Variants in C1orf185 observed in about 807,000 individuals in gnomAD.
The protein encoded by C1orf185 is uncharacterized protein C1orf185.
Under a neutral mutation model 16.1 loss-of-function variants are expected in C1orf185, and 13 were observed. The observed-to-expected ratio is 0.81, with a 90% CI of 0.53 to 1.28. C1orf185 has a LOEUF of 1.28. C1orf185 is among the 50% of genes most tolerant of loss of function. The pLI is 0.00. For synonymous variants in C1orf185, 80 were observed against 76.9 expected, an observed-to-expected ratio of 1.04 and a Z score of -0.21; for missense variants, 220 against 225.2, an observed-to-expected ratio of 0.98 and a Z score of 0.15.
chr1:51,102,429 G>A (rs558999875), intron 1 of C1orf185, 180 bp downstream of exon 1: 6 of 414,960 alleles, frequency 1.4e-5, no homozygotes, highest in African/African-American at 8.0e-5. Context: ...TTCTTTGGGG[G>A]AAATTTTGTA....
At chr1:51,140,218 A>G (rs903482050) in intron 3 of C1orf185, among the ~76,000 whole-genome samples, 1 of 152,148 alleles carries the variant, frequency 6.6e-6, no homozygotes, top group African/African-American at 2.4e-5. Context: ...TTCTGGTATG[A>G]CTTTTCTGTT....
chr1:51,107,042 C>T (rs934009531), intron 1 of C1orf185, among the ~76,000 whole-genome samples: 1 of 152,178 alleles, frequency 6.6e-6, no homozygotes. Flanking sequence ...CAGGCGTGAG[C>T]CACCGCGCCT....
intron 3 of C1orf185, among the ~76,000 whole-genome samples, chr1:51,122,266 A>ATAAT (rs1646203160): frequency 1.3e-5 from 2 of 152,178 alleles, no homozygotes; most frequent in Non-Finnish European, 2.9e-5. Context: ...TGCATATTCA[A>ATAAT]CCTTATTAAA....
chr1:51,103,450 A>ACACACACACACAC (rs756442424), intron 1 of C1orf185, among the ~76,000 whole-genome samples: 13 of 51,914 alleles, frequency 2.5e-4, no homozygotes, highest in South Asian at 7.6e-4. Context: ...CACACACACA[A>ACACACACACACAC]AAACCACGAA....
At chr1:51,146,374 TCTTGAACC>T (rs1646400905) in intron 4 of C1orf185, among the ~76,000 whole-genome samples, 1 of 150,682 alleles carries the variant, frequency 6.6e-6, no homozygotes, top group African/African-American at 2.4e-5. Flanking sequence ...CAAGAGAATC[TCTTGAACC>T]CAGGAGGCGG....
chr1:51,118,217 C>A lies in C1orf185; in HGVS notation c.123-449C>A, dbSNP rs369610121. ...TTACAGGCGTAAGCCACCGCACCAG[C>A]CCCTCTTACTTTTTGCCAGAAATAT... is the stretch of plus-strand genomic sequence containing the variant. On this transcript the variant is annotated intron_variant, in intron 2 of 4. Coordinates refer to ENST00000371759, the MANE Select transcript of C1orf185 (RefSeq NM_001136508.2). Among the ~76,000 whole-genome samples the A allele has an allele frequency of 7.2e-5, 11 of 152,260 alleles. 1 individual carries two copies. The highest frequency in any genetic ancestry group is 2.6e-4 in the African/African-American group (11 of 41,552).
chr1:51,125,706 A>C (rs963102972), intron 3 of C1orf185, among the ~76,000 whole-genome samples: 3 of 152,244 alleles, frequency 2.0e-5, no homozygotes, highest in Non-Finnish European at 4.4e-5. Flanking sequence ...GCAAGGAGTT[A>C]GAAGGCAATG....
intron 3 of C1orf185, among the ~76,000 whole-genome samples, chr1:51,126,734 T>C (rs1646243230): frequency 6.6e-6 from 1 of 152,218 alleles, no homozygotes; most frequent in South Asian, 2.1e-4. Context: ...AGTATATTTG[T>C]CAAAACTAAG....
intron 3 of C1orf185, among the ~76,000 whole-genome samples, chr1:51,122,749 C>T (rs1465293997): frequency 6.6e-6 from 1 of 152,154 alleles, no homozygotes; most frequent in African/African-American, 2.4e-5. Flanking sequence ...TTTATCCCTC[C>T]CTCTGCTCTA....
At chr1:51,136,339 AT>A (rs199798609) in intron 3 of C1orf185, among the ~76,000 whole-genome samples, 5,337 of 143,402 alleles carry the variant, frequency 0.037, 136 homozygotes, top group Non-Finnish European at 0.055. Flanking sequence ...TTTGATCTTG[AT>A]TTTTTTTTTT....
chr1:51,118,026 G>A (rs969072133), intron 2 of C1orf185, among the ~76,000 whole-genome samples: 10 of 152,158 alleles, frequency 6.6e-5, no homozygotes, highest in Non-Finnish European at 1.5e-4. Context: ...CAACTCTCCT[G>A]CCTCAGCCAC....
intron 2 of C1orf185, among the ~76,000 whole-genome samples, chr1:51,116,506 G>A (rs1646158900): frequency 6.6e-6 from 1 of 151,916 alleles, no homozygotes; most frequent in African/African-American, 2.4e-5. Context: ...TAGAGACAGG[G>A]TTTTGCTATG....
chr1:51,142,356 A>G (rs111703895), intron 3 of C1orf185, among the ~76,000 whole-genome samples: 1,845 of 152,346 alleles, frequency 0.012, 45 homozygotes, highest in African/African-American at 0.042. Flanking sequence ...GTTATTTTAT[A>G]CATAATAGGT....
intron 3 of C1orf185, among the ~76,000 whole-genome samples, chr1:51,122,048 T>G (rs945293923): frequency 7.2e-5 from 11 of 152,294 alleles, no homozygotes; most frequent in African/African-American, 2.4e-4. Context: ...AATCTTTCCT[T>G]TTTTGTGCAG....
chr1:51,115,764 T>C (rs571592852), intron 2 of C1orf185, among the ~76,000 whole-genome samples: 1 of 152,224 alleles, frequency 6.6e-6, no homozygotes, highest in African/African-American at 2.4e-5. Flanking sequence ...GAGAGACAAG[T>C]CTGGAGACTA....
chr1:51,147,420 AG>A, intron 4 of C1orf185, 46 bp from the exon 5 acceptor site: 1 of 1,419,734 alleles, frequency 7.0e-7, no homozygotes, highest in Non-Finnish European at 9.4e-7. Context: ...TATAATTAAG[AG>A]TTGGCTTGTG....
downstream of C1orf185, among the ~76,000 whole-genome samples, chr1:51,150,786 T>C (rs1300955422): frequency 6.6e-6 from 1 of 152,236 alleles, no homozygotes; most frequent in Non-Finnish European, 1.5e-5. Flanking sequence ...ATTTTTGACA[T>C]CCTTTTGCAT....
intron 3 of C1orf185, among the ~76,000 whole-genome samples, chr1:51,123,796 A>G (rs542433790): frequency 2.0e-5 from 3 of 152,180 alleles, no homozygotes; most frequent in South Asian, 2.1e-4. Flanking sequence ...TTTGCTATCT[A>G]TCTTCTTCGA....
At chr1:51,108,352 A>C (rs1244854361) in intron 1 of C1orf185, among the ~76,000 whole-genome samples, 1 of 152,038 alleles carries the variant, frequency 6.6e-6, no homozygotes, top group Non-Finnish European at 1.5e-5. Flanking sequence ...TGATATTTTG[A>C]TACATGTGTA....
Sources: gnomAD v4.1 joint callset for allele counts (sites outside exome capture counted in the v4.1 genomes callset) on GRCh38, gnomAD v4.1.1 for gene constraint, MANE v1.5 for transcripts, NCBI Gene and HGNC (gene_info 2026-07-23, HGNC 2026-07-21) for gene names.